JCAD: variants seen among roughly 807,000 people sequenced by gnomAD.
JCAD encodes junctional cadherin 5 associated.
In JCAD, 40 loss-of-function variants were observed where a neutral mutation model predicts 98.0. That is an observed-to-expected ratio of 0.41 (90% CI 0.32 to 0.53). The LOEUF (loss-of-function observed/expected upper bound fraction) is 0.53. JCAD is among the 20% of genes least tolerant of loss of function. The probability of loss-of-function intolerance (pLI) is 0.31; values close to 1 mark genes in which losing one functional copy is unlikely to be tolerated. For missense variants in JCAD, 1,705 were observed against 1,738.1 expected, an observed-to-expected ratio of 0.98 and a Z score of 0.34; for synonymous variants, 691 against 682.3, an observed-to-expected ratio of 1.01 and a Z score of -0.20.
intron 1 of JCAD, among the ~76,000 whole-genome samples, chr10:30,051,716 C>T (rs764080341): frequency 2.4e-4 from 37 of 151,884 alleles, no homozygotes; most frequent in Admixed American, 2.6e-4. Flanking sequence ...GTGGATAGAG[C>T]GAGAACAGAT....
chr10:30,109,585 GGTTCTCAC>G (rs1479470085), intron 1 of JCAD, among the ~76,000 whole-genome samples: 1 of 151,952 alleles, frequency 6.6e-6, no homozygotes, highest in Non-Finnish European at 1.5e-5. Context: ...TCTGAGTTCT[GGTTCTCAC>G]TATCTCAAAC....
intron 1 of JCAD, among the ~76,000 whole-genome samples, chr10:30,083,324 A>G (rs1838117513): frequency 6.6e-6 from 1 of 152,184 alleles, no homozygotes; most frequent in Non-Finnish European, 1.5e-5. Context: ...CCTCCCCTTT[A>G]TCCTTTCTAC....
chr10:30,109,451 CT>C, intron 1 of JCAD, among the ~76,000 whole-genome samples: 1 of 152,132 alleles, frequency 6.6e-6, no homozygotes, highest in Non-Finnish European at 1.5e-5. Context: ...TGATGGATGC[CT>C]GTGGCCCTGT....
intron 2 of JCAD, among the ~76,000 whole-genome samples, chr10:30,031,929 TATTTTTAGTAGAG>T (rs1315883659): frequency 6.6e-6 from 1 of 151,202 alleles, no homozygotes; most frequent in Non-Finnish European, 1.5e-5. Context: ...TAATTTTTTG[TATTTTTAGTAGAG>T]ACGGGGTTTC....
chr10:30,085,693 G>C (rs1838155965), intron 1 of JCAD, among the ~76,000 whole-genome samples: 1 of 152,184 alleles, frequency 6.6e-6, no homozygotes, highest in Non-Finnish European at 1.5e-5. Flanking sequence ...GGAGTGATAG[G>C]TTGAGCCTAA....
intron 1 of JCAD, among the ~76,000 whole-genome samples, chr10:30,052,762 C>T (rs903672659): frequency 6.6e-6 from 1 of 152,162 alleles, no homozygotes; most frequent in South Asian, 2.1e-4. Flanking sequence ...CCCTCCCTTG[C>T]GATGCTATGG....
rs980336347 is a variant in JCAD at position 30,013,321 on chromosome 10, A to G, written c.*4562T>C. The stretch of plus-strand genomic sequence containing the variant: ...CAAGACCCTGTTTCAAGGGGGGGAA[A>G]AAAAGTTTCTTTGGAGTTGCAAGGC... On this transcript the variant is annotated 3_prime_UTR_variant, in exon 4 of 4. Coordinates refer to ENST00000375377, the MANE Select transcript of JCAD (RefSeq NM_020848.4). The G allele has an allele frequency of 6.6e-6, 1 of 152,004 alleles. No individual in the cohort carries two copies. The highest frequency in any genetic ancestry group is 2.4e-5 in the African/African-American group (1 of 41,398). 9.4% of individuals were successfully genotyped at this position (152,004 alleles called of 1,614,324 possible).
chr10:30,095,238 T>C (rs1838350091), intron 1 of JCAD, among the ~76,000 whole-genome samples: 1 of 152,260 alleles, frequency 6.6e-6, no homozygotes, highest in African/African-American at 2.4e-5. Context: ...TTCATGGCTC[T>C]CGTCTCTTAA....
intron 1 of JCAD, among the ~76,000 whole-genome samples, chr10:30,114,578 TAAAAAAA>T (rs11360136): frequency 5.1e-4 from 64 of 124,676 alleles, no homozygotes; most frequent in African/African-American, 1.8e-3. Context: ...ACAGCACAAT[TAAAAAAA>T]AAAAAAAAAA....
rs11307523 is a variant in JCAD, at chr10:30,091,714, A to ATTTT, written n.129-21897_129-21894dup. Among the ~76,000 whole-genome samples, 24 of 81,774 alleles carry ATTTT rather than the reference A, an allele frequency of 2.9e-4. 2 individuals are homozygous for ATTTT. Among genetic ancestry groups the ATTTT allele is most frequent in the African/African-American group, 1.1e-3 (22 of 20,280 alleles). 53.6% of individuals were successfully genotyped at this position (81,774 alleles called of 152,430 possible). ...TTTCTACTTTGGACTAAGTTTTTAA[A>ATTTT]TTTTTTTTTTTTTTTTTTTTTTTTT... is the stretch of plus-strand genomic sequence containing the variant. On this transcript the variant is annotated intron_variant and non_coding_transcript_variant, in intron 1 of 2. Coordinates refer to the JCAD transcript ENST00000465712.
chr10:30,091,060 TGGA>T (rs1564469501), intron 1 of JCAD, among the ~76,000 whole-genome samples: 1 of 152,184 alleles, frequency 6.6e-6, no homozygotes, highest in Non-Finnish European at 1.5e-5. Context: ...ATCAAAACTC[TGGA>T]GGAGTAACAA....
At position 30,047,657 on chromosome 10, in the gene JCAD, C is replaced by A. The variant is rs376588282; in HGVS notation, c.156G>T (p.Ala52=). The A allele has an allele frequency of 1.2e-6, 2 of 1,614,082 alleles. No individual in the cohort carries two copies. Among genetic ancestry groups the A allele is most frequent in the African/African-American group, 2.7e-5 (2 of 74,946 alleles). The part of the protein sequence containing the change: ...GLQNGHEDGP[A]ALAHRKTSAG... ...CGGACGTCTTACGATGTGCGAGGGC[C>A]GCAGGGCCATCCTCATGCCCGTTCT... The change falls in exon 2 of 4, where the codon GCG becomes GCT. Residue 52 remains alanine, a synonymous_variant. Coordinates refer to ENST00000375377, the MANE Select transcript of JCAD (RefSeq NM_020848.4).
At chr10:30,106,037 G>C (rs1291681614) in intron 1 of JCAD, among the ~76,000 whole-genome samples, 1 of 152,162 alleles carries the variant, frequency 6.6e-6, no homozygotes, top group Non-Finnish European at 1.5e-5. Context: ...ATATCTTCAA[G>C]TACTAAGACC....
In JCAD at chr10:30,026,580, C is replaced by T. The variant is rs758055788; in HGVS notation, c.3568G>A (p.Glu1190Lys). Reference protein sequence around the residue: ...GVVTSTDPVPEPEPSPLESKF... With the variant: ...GVVTSTDPVPKPEPSPLESKF... ...GACTCCAAGGGGCTGGGCTCAGGCT[C>T]AGGGACAGGGTCTGTGCTGGTGACA... The change falls in exon 3 of 4, where the codon GAG becomes AAG. Residue 1190 changes from glutamate to lysine, a missense_variant. Around this residue, in one of 3 missense-constraint regions of JCAD, gnomAD observed 1,278 missense variants for 1,243.1 expected, o/e 1.03. Transcript: ENST00000375377. The T allele has an allele frequency of 6.2e-7, 1 of 1,614,134 alleles. No homozygotes were observed. The highest frequency in any genetic ancestry group is 8.5e-7 in the Non-Finnish European group (1 of 1,180,026).
chr10:30,077,583 C>T (rs1264460672), intron 1 of JCAD, among the ~76,000 whole-genome samples: 1 of 152,198 alleles, frequency 6.6e-6, no homozygotes, highest in Non-Finnish European at 1.5e-5. Flanking sequence ...TAAGCAATAA[C>T]TCCCCATTCC....
intron 1 of JCAD, among the ~76,000 whole-genome samples, chr10:30,098,346 C>T (rs1182632709): frequency 1.3e-5 from 2 of 152,116 alleles, no homozygotes. Context: ...GGCTCCTAGG[C>T]ACCCTCAGAT....
At chr10:30,061,730 A>G (rs1245205941), upstream of JCAD, among the ~76,000 whole-genome samples, 4 of 146,772 alleles carry the variant, frequency 2.7e-5, no homozygotes, top group Admixed American at 1.3e-4. Context: ...GGAAATGCAG[A>G]CTTTTTTTTT....
chr10:30,098,616 G>T (rs1045854936), intron 1 of JCAD, among the ~76,000 whole-genome samples: 1 of 152,188 alleles, frequency 6.6e-6, no homozygotes, highest in Non-Finnish European at 1.5e-5. Flanking sequence ...CAAAATGAAA[G>T]AATGAATGAA....
At chr10:30,034,883 G>A (rs1395281157) in intron 2 of JCAD, among the ~76,000 whole-genome samples, 1 of 152,178 alleles carries the variant, frequency 6.6e-6, no homozygotes. Flanking sequence ...GAAGTATGCG[G>A]TTGGTGCTTT....
Sources: allele counts gnomAD v4.1 joint callset (sites outside exome capture counted in the v4.1 genomes callset), GRCh38; gene constraint gnomAD v4.1.1; regional missense constraint gnomAD v4.1.1; transcripts MANE v1.5; gene names NCBI Gene and HGNC (gene_info 2026-07-23, HGNC 2026-07-21).